Variants in XIRP1 observed in about 807,000 individuals in gnomAD.
XIRP1 encodes xin actin-binding repeat-containing protein 1.
For synonymous variants in XIRP1, 984 were observed against 947.0 expected, an observed-to-expected ratio of 1.04 and a Z score of -0.72; for missense variants, 2,378 against 2,345.4, an observed-to-expected ratio of 1.01 and a Z score of -0.29.
Position 39,185,530 on chromosome 3 carries a change from C to T in XIRP1, c.3916G>A (p.Gly1306Arg). The change falls in exon 2 of 2, where the codon GGG (glycine) becomes AGG (arginine). Residue 1306 changes from glycine to arginine, a missense_variant. Physicochemically the swap from Gly to Arg is moderately radical, Grantham distance 125. Coordinates refer to ENST00000340369, the MANE Select transcript of XIRP1 (RefSeq NM_194293.4). Reference protein sequence around the residue: ...SSPAGQRTPGGSQTKTPKLDP... With the variant: ...SSPAGQRTPGRSQTKTPKLDP... ...AGTTTTGGGGTCTTTGTCTGTGACCCTCCAGGGGTTCTCTGGCCAGCAGGG... is the reference window on the plus strand; with the variant it reads ...AGTTTTGGGGTCTTTGTCTGTGACCTTCCAGGGGTTCTCTGGCCAGCAGGG... The T allele has an allele frequency of 3.8e-6, 6 of 1,560,792 alleles. No homozygotes were observed. Among genetic ancestry groups the T allele is most frequent in the Non-Finnish European group, 5.2e-6 (6 of 1,154,494 alleles).
rs774316557 is a variant in XIRP1 at position 39,185,381 on chromosome 3, C to T, written c.4065G>A (p.Glu1355=). The change falls in exon 2 of 2, where the codon GAG becomes GAA. Residue 1355 remains glutamate (E), a synonymous_variant. Coordinates refer to ENST00000340369, the MANE Select transcript of XIRP1 (RefSeq NM_194293.4). The stretch of plus-strand genomic sequence containing the variant: ...CTCGTTGGTGTTCTCTTTGCCCCAC[C>T]TCCGAGGAAAAGCTGGGAGATAGAG... ...PLPLSPSFSS[E]VGQREHQRGE... is the part of the protein sequence containing the mutation. The T allele has an allele frequency of 1.1e-5, 17 of 1,614,002 alleles. No individual in the cohort carries two copies. The Admixed American group carries it at 2.8e-4, about 27-fold the overall frequency.
At position 39,185,569 on chromosome 3, in the gene XIRP1, G is replaced by A. The variant is rs2039952009; in HGVS notation, c.3877C>T (p.His1293Tyr). ...TGGCCAGCAGGGCTGCTGTGGGAGTGAAGAAGGGGGTCCTTCAGGGGCTCA... is the reference window on the plus strand; with the variant it reads ...TGGCCAGCAGGGCTGCTGTGGGAGTAAAGAAGGGGGTCCTTCAGGGGCTCA... ...ASEPLKDPLL[H>Y]SHSSPAGQRT... Residue 1293 changes from histidine (H) to tyrosine (Y), a missense_variant, in exon 2 of 2, where the codon CAC becomes TAC. Physicochemically the swap from His to Tyr is moderately conservative, Grantham distance 83. Coordinates refer to ENST00000340369, the MANE Select transcript of XIRP1 (RefSeq NM_194293.4). 1 of 1,581,898 alleles carries A rather than the reference G, an allele frequency of 6.3e-7. No individual in the cohort carries two copies. Among genetic ancestry groups the A allele is most frequent in the Non-Finnish European group, 8.6e-7 (1 of 1,162,944 alleles).
rs747220082 is a variant in XIRP1, at chr3:39,188,549, C to T, written c.897G>A (p.Gly299=). 1 of 1,611,706 alleles carries T rather than the reference C, an allele frequency of 6.2e-7. No individual in the cohort carries two copies. Reference sequence around the variant, plus strand: ...GAGTTGCACTGACGTCGGGCCGGGCCCCCTCCTCCAGGGAAATCCCCCGGA... The same window carrying T: ...GAGTTGCACTGACGTCGGGCCGGGCTCCCTCCTCCAGGGAAATCCCCCGGA... ...RVIRGISLEE[G]ARPDVSATRW... The change falls in exon 2 of 2, where the codon GGG becomes GGA. Residue 299 remains glycine (G), a synonymous_variant. Coordinates refer to ENST00000340369, the MANE Select transcript of XIRP1 (RefSeq NM_194293.4).
intron 1 of XIRP1, among the ~76,000 whole-genome samples, chr3:39,191,683 A>G (rs1342265160): frequency 1.3e-5 from 2 of 152,176 alleles, no homozygotes; most frequent in African/African-American, 4.8e-5. Flanking sequence ...AGCCCCAAGA[A>G]CTGTCCTAGA....
In XIRP1 at chr3:39,183,605, CGTG is replaced by C; in HGVS notation, c.*306_*308del. On this transcript the variant is annotated 3_prime_UTR_variant, in exon 2 of 2. Transcript: ENST00000340369. ...GTGTGCAAATTCACACATGTCGATG[CGTG>C]GGCCAGGCCTGTGTGAAAAACATGT... The C allele has an allele frequency of 3.0e-6, 1 of 337,790 alleles. No individual in the cohort carries two copies. The highest frequency in any genetic ancestry group is 5.4e-6 in the Non-Finnish European group (1 of 186,116). The allele number at this position is 337,790 out of a possible 1,614,324, so 20.9% of individuals were successfully genotyped here.
Position 39,185,489 on chromosome 3 carries a change from G to C in XIRP1, c.3957C>G (p.Pro1319=). The stretch of plus-strand genomic sequence containing the variant: ...GGGGCAGCTGCGGCTTCTTCTTTGG[G>C]GGCATGGTGGGGTCCAGTTTTGGGG... ...TKTPKLDPTM[P]PKKKPQLPPK... Residue 1319 remains proline (P), a synonymous_variant, in exon 2 of 2, where the codon CCC becomes CCG. Transcript: ENST00000340369. 1 of 1,563,760 alleles carries C rather than the reference G, an allele frequency of 6.4e-7. No individual in the cohort carries two copies. Among genetic ancestry groups the C allele is most frequent in the Non-Finnish European group, 8.7e-7 (1 of 1,155,592 alleles).
At position 39,187,607 on chromosome 3, in the gene XIRP1, C is replaced by T. The variant is rs1343992678; in HGVS notation, c.1839G>A (p.Glu613=). The T allele has an allele frequency of 6.2e-7, 1 of 1,614,146 alleles. No homozygotes were observed. The highest frequency in any genetic ancestry group is 8.5e-7 in the Non-Finnish European group (1 of 1,180,038). The change falls in exon 2 of 2, where the codon GAG becomes GAA. Residue 613 remains glutamate (E), a synonymous_variant. Coordinates refer to ENST00000340369, the MANE Select transcript of XIRP1 (RefSeq NM_194293.4). ...MSELAEKQGS[E]VTDPTAKAEA... is the part of the protein sequence containing the mutation. ...CAGCCTTGGCTGTGGGATCTGTGACCTCTGACCCCTGCTTTTCGGCCAACT... is the reference window on the plus strand; with the variant it reads ...CAGCCTTGGCTGTGGGATCTGTGACTTCTGACCCCTGCTTTTCGGCCAACT...
chr3:39,185,168 G>T lies in XIRP1; in HGVS notation c.4278C>A (p.Pro1426=). 6.2e-7 allele frequency: 1 copy of T among 1,608,986 alleles called. No individual in the cohort carries two copies. The highest frequency in any genetic ancestry group is 8.5e-7 in the Non-Finnish European group (1 of 1,177,064). ...TGSNAQSSEP[P]KLNALNHDPT... The stretch of plus-strand genomic sequence containing the variant: ...GATCATGGTTGAGGGCATTGAGCTT[G>T]GGGGGCTCAGAGCTCTGGGCATTGC... Residue 1426 remains proline (P), a synonymous_variant, in exon 2 of 2, where the codon CCC becomes CCA. Coordinates refer to ENST00000340369, the MANE Select transcript of XIRP1 (RefSeq NM_194293.4).
rs1409082414 is a variant in XIRP1, at chr3:39,186,585, G to A, written c.2861C>T (p.Pro954Leu). The change falls in exon 2 of 2, where the codon CCA (proline) becomes CTA (leucine). Residue 954 changes from proline (P) to leucine (L), a missense_variant. Transcript: ENST00000340369. ...CTGGGCCCCCTCGCTGGCTGGCACTGGACTCGGGTCAGCCGGGGGCTCCCA... is the reference window on the plus strand; with the variant it reads ...CTGGGCCCCCTCGCTGGCTGGCACTAGACTCGGGTCAGCCGGGGGCTCCCA... ...LRWEPPADPS[P>L]VPASEGAQSL... 9 of 1,610,664 alleles carry A rather than the reference G, an allele frequency of 5.6e-6. No individual in the cohort carries two copies. Among genetic ancestry groups the A allele is most frequent in the Non-Finnish European group, 7.6e-6 (9 of 1,177,998 alleles).
At position 39,186,033 on chromosome 3, in the gene XIRP1, ATTGTC is replaced by A; in HGVS notation, c.3408_3412del (p.Thr1137SerfsTer14). ...ATGAGCGGTGTAGATGCCATCCTGAATTGTCACCCACCCCCCAGGCAGCCCTCTGG... is the reference window on the plus strand; with the variant it reads ...ATGAGCGGTGTAGATGCCATCCTGAAACCCACCCCCCAGGCAGCCCTCTGG... On this transcript the variant is annotated frameshift_variant, in exon 2 of 2. Transcript: ENST00000340369. LOFTEE classifies it low-confidence loss of function (END_TRUNC). 1 of 1,613,704 alleles carries A rather than the reference ATTGTC, an allele frequency of 6.2e-7. No individual in the cohort carries two copies. Among genetic ancestry groups the A allele is most frequent in the Non-Finnish European group, 8.5e-7 (1 of 1,179,872 alleles).
chr3:39,189,114 C>T lies in XIRP1; in HGVS notation c.332G>A (p.Arg111Lys), dbSNP rs763148140. Residue 111 changes from arginine to lysine, a missense_variant, in exon 2 of 2, where the codon AGG (arginine) becomes AAG (lysine). Coordinates refer to ENST00000340369, the MANE Select transcript of XIRP1 (RefSeq NM_194293.4). Reference sequence around the variant, plus strand: ...CAGCACGGGCTCCTTGGCAGCTGGCCTCTCGTGTTCTCCAATGGCATCCAG... The same window carrying T: ...CAGCACGGGCTCCTTGGCAGCTGGCTTCTCGTGTTCTCCAATGGCATCCAG... ...WRLDAIGEHE[R>K]PAAKEPVLCG... 13 of 1,614,048 alleles carry T rather than the reference C, an allele frequency of 8.1e-6. No homozygotes were observed. Among genetic ancestry groups the T allele is most frequent in the Non-Finnish European group, 3.4e-6 (4 of 1,180,046 alleles).
At position 39,185,244 on chromosome 3, in the gene XIRP1, T is replaced by A; in HGVS notation, c.4202A>T (p.His1401Leu). 1 of 1,613,956 alleles carries A rather than the reference T, an allele frequency of 6.2e-7. No individual in the cohort carries two copies. Among genetic ancestry groups the A allele is most frequent in the Non-Finnish European group, 8.5e-7 (1 of 1,179,962 alleles). ...PSGHSQPSLQ[H>L]GLSTTAPRPT... Reference sequence around the variant, plus strand: ...CCTGGGGGCCGTGGTGCTGAGGCCATGTTGTAAGCTGGGCTGGCTATGTCC... The same window carrying A: ...CCTGGGGGCCGTGGTGCTGAGGCCAAGTTGTAAGCTGGGCTGGCTATGTCC... The change falls in exon 2 of 2, where the codon CAT (histidine) becomes CTT (leucine). Residue 1401 changes from histidine (H) to leucine (L), a missense_variant. Coordinates refer to ENST00000340369, the MANE Select transcript of XIRP1 (RefSeq NM_194293.4).
chr3:39,186,053 C>T lies in XIRP1; in HGVS notation c.3393G>A (p.Leu1131=). ...CCTGAATTGTCACCCACCCCCCAGG[C>T]AGCCCTCTGGGTAGTGCTTGCTCTT... The part of the protein sequence containing the change: ...SREEQALPRG[L]PGGWVTIQDG... Residue 1131 remains leucine (L), a synonymous_variant, in exon 2 of 2, where the codon CTG becomes CTA. Coordinates refer to ENST00000340369, the MANE Select transcript of XIRP1 (RefSeq NM_194293.4). 3 of 1,614,158 alleles carry T rather than the reference C, an allele frequency of 1.9e-6. No individual in the cohort carries two copies. The South Asian group carries it at 3.3e-5, about 18-fold the overall frequency.
Position 39,185,003 on chromosome 3 carries a change from C to T in XIRP1, c.4443G>A (p.Leu1481=), listed in dbSNP as rs781586955. ...LQGLLNQVQA[L]EKEAASSVDV... Reference sequence around the variant, plus strand: ...CCACACTGCTTGCGGCCTCCTTCTCCAGGGCTTGCACCTGGTTCAGGAGGC... The same window carrying T: ...CCACACTGCTTGCGGCCTCCTTCTCTAGGGCTTGCACCTGGTTCAGGAGGC... The change falls in exon 2 of 2, where the codon CTG becomes CTA. Residue 1481 remains leucine (L), a synonymous_variant. Transcript: ENST00000340369. 4 of 1,521,788 alleles carry T rather than the reference C, an allele frequency of 2.6e-6. No individual in the cohort carries two copies. The highest frequency in any genetic ancestry group is 2.6e-6 in the Non-Finnish European group (3 of 1,138,006). The allele number at this position is 1,521,788 out of a possible 1,614,324, so 94.3% of individuals were successfully genotyped here.
At position 39,185,855 on chromosome 3, in the gene XIRP1, C is replaced by G. The variant is rs763007537; in HGVS notation, c.3591G>C (p.Gly1197=). The change falls in exon 2 of 2, where the codon GGG becomes GGC. Residue 1197 remains glycine, a synonymous_variant. Coordinates refer to ENST00000340369, the MANE Select transcript of XIRP1 (RefSeq NM_194293.4). ...GCCCCCAGGCCATCTGTGTGCAGCC[C>G]CCAGGCTCCTCCCGCCCTGGCCCAG... ...QSTGPGREEP[G]GCTQMAWGPP... is the part of the protein sequence containing the mutation. 2 of 1,613,606 alleles carry G rather than the reference C, an allele frequency of 1.2e-6. No homozygotes were observed. Among genetic ancestry groups the G allele is most frequent in the Non-Finnish European group, 1.7e-6 (2 of 1,179,838 alleles).
rs1310247654 is a variant in XIRP1 at position 39,183,676 on chromosome 3, CCCCAT to C, written c.*233_*237del. 3 of 615,104 alleles carry C rather than the reference CCCCAT, an allele frequency of 4.9e-6. No homozygotes were observed. The highest frequency in any genetic ancestry group is 8.0e-6 in the Non-Finnish European group (3 of 372,722). The allele number at this position is 615,104 out of a possible 1,614,324, so 38.1% of individuals were successfully genotyped here. On this transcript the variant is annotated 3_prime_UTR_variant, in exon 2 of 2. Coordinates refer to ENST00000340369, the MANE Select transcript of XIRP1 (RefSeq NM_194293.4). The stretch of plus-strand genomic sequence containing the variant: ...ACATCCTCCACAAGCAGCTGGGAGC[CCCCAT>C]CCTACCCCCACGCCTGTGCAACTCT...
chr3:39,186,361 C>T lies in XIRP1; in HGVS notation c.3085G>A (p.Gly1029Arg). Reference sequence around the variant, plus strand: ...TCTGACTTTCCCAAGACTGCCATCCCTTTCTGTCCAGAGTGACTGTCTTCC... The same window carrying T: ...TCTGACTTTCCCAAGACTGCCATCCTTTTCTGTCCAGAGTGACTGTCTTCC... Reference protein sequence around the residue: ...KQEDSHSGQKGMAVLGKSEGA... With the variant: ...KQEDSHSGQKRMAVLGKSEGA... Residue 1029 changes from glycine to arginine, a missense_variant, in exon 2 of 2, where the codon GGG becomes AGG. Coordinates refer to ENST00000340369, the MANE Select transcript of XIRP1 (RefSeq NM_194293.4). 6.2e-7 allele frequency: 1 copy of T among 1,614,236 alleles called. No homozygotes were observed. Among genetic ancestry groups the T allele is most frequent in the Non-Finnish European group, 8.5e-7 (1 of 1,180,048 alleles).
Position 39,187,812 on chromosome 3 carries a change from C to T in XIRP1, c.1634G>A (p.Gly545Glu). The T allele has an allele frequency of 6.2e-7, 1 of 1,614,160 alleles. No individual in the cohort carries two copies. Among genetic ancestry groups the T allele is most frequent in the Non-Finnish European group, 8.5e-7 (1 of 1,180,032 alleles). The change falls in exon 2 of 2, where the codon GGG (glycine) becomes GAG (glutamate). Residue 545 changes from glycine (G) to glutamate (E), a missense_variant. Coordinates refer to ENST00000340369, the MANE Select transcript of XIRP1 (RefSeq NM_194293.4). ...AAGCCACCGAGCTGTGCCAACGTCC[C>T]CAGCCACCACTTCCTGCCGGGTGAT... The part of the protein sequence containing the change: ...RGITRQEVVA[G>E]DVGTARWLFE...
At position 39,187,039 on chromosome 3, in the gene XIRP1, C is replaced by T. The variant is rs1227986089; in HGVS notation, c.2407G>A (p.Ala803Thr). The stretch of plus-strand genomic sequence containing the variant: ...CCTGTGCCCGAGAGCACATACTTGG[C>T]AAGACAGAGCTCCCCTGGCCCTCGG... ...EARGPGELCL[A>T]KYVLSGTGQG... Residue 803 changes from alanine to threonine, a missense_variant, in exon 2 of 2, where the codon GCC (alanine) becomes ACC (threonine). By Grantham distance (58) the Ala-to-Thr change is moderately conservative (BLOSUM62 0). Coordinates refer to ENST00000340369, the MANE Select transcript of XIRP1 (RefSeq NM_194293.4). 6.2e-7 allele frequency: 1 copy of T among 1,610,848 alleles called. No homozygotes were observed. Among genetic ancestry groups the T allele is most frequent in the South Asian group, 1.1e-5 (1 of 91,032 alleles).
Sources: allele counts gnomAD v4.1 joint callset (sites outside exome capture counted in the v4.1 genomes callset), GRCh38; gene constraint gnomAD v4.1.1; transcripts MANE v1.5; gene names NCBI Gene and HGNC (gene_info 2026-07-23, HGNC 2026-07-21).